NAV2: variants seen among roughly 807,000 people sequenced by gnomAD.
NAV2 encodes neuron navigator 2, also known as helicase, APC down-regulated 1.
NAV2 carries 54 observed loss-of-function variants against 223.2 expected under a neutral mutation model. The observed-to-expected ratio is 0.24, with a 90% CI of 0.19 to 0.30. The LOEUF (loss-of-function observed/expected upper bound fraction) is 0.30, where lower values mean the gene tolerates loss of function less well. Ranked by LOEUF, NAV2 falls within the 10% of genes least tolerant of loss-of-function variation. The probability of loss-of-function intolerance (pLI) is 1.00; values close to 1 mark genes in which losing one functional copy is unlikely to be tolerated. For synonymous variants in NAV2, 1,279 were observed against 1,239.3 expected (o/e 1.03, Z -0.67); for missense variants, 2,806 against 3,147.5 (o/e 0.89, Z 2.60).
At chr11:19,515,287 C>T (rs1242608132) in intron 1 of NAV2, among the ~76,000 whole-genome samples, 4 of 152,160 alleles carry the variant, frequency 2.6e-5, no homozygotes, top group Non-Finnish European at 5.9e-5. Flanking sequence ...ATCTCTGGAC[C>T]TCTCTTTTTC....
At chr11:19,442,990 C>A (rs1028907451) in intron 1 of NAV2, among the ~76,000 whole-genome samples, 4 of 152,134 alleles carry the variant, frequency 2.6e-5, no homozygotes, top group Non-Finnish European at 5.9e-5. Flanking sequence ...CCCTACCTAC[C>A]CATCAAGGTG....
intron 1 of NAV2, among the ~76,000 whole-genome samples, chr11:19,658,614 C>G (rs945724963): frequency 2.6e-5 from 4 of 152,194 alleles, no homozygotes; most frequent in Non-Finnish European, 5.9e-5. Context: ...AATCCTCTTA[C>G]TGAGGGTAAG....
chr11:19,593,397 G>A (rs112053770), intron 1 of NAV2, among the ~76,000 whole-genome samples: 8 of 139,082 alleles, frequency 5.8e-5, no homozygotes, highest in Non-Finnish European at 1.0e-4. Context: ...GATACACACC[G>A]ATATACCACT....
chr11:20,004,078 C>T (rs1369910196), intron 11 of NAV2, among the ~76,000 whole-genome samples: 4 of 152,130 alleles, frequency 2.6e-5, no homozygotes, highest in Non-Finnish European at 5.9e-5. Context: ...AAAATTGGTT[C>T]CCAAACACCA....
intron 1 of NAV2, among the ~76,000 whole-genome samples, chr11:19,353,604 T>C (rs1243103712): frequency 2.0e-5 from 3 of 152,184 alleles, no homozygotes; most frequent in Non-Finnish European, 4.4e-5. Flanking sequence ...TTAAATGGAA[T>C]GTAGCTGGGA....
intron 10 of NAV2, among the ~76,000 whole-genome samples, chr11:19,962,139 C>G (rs1227137251): frequency 6.6e-6 from 1 of 151,368 alleles, no homozygotes; most frequent in African/African-American, 2.4e-5. Context: ...GGCCTGCCTA[C>G]TGGCTGAGAG....
rs558502312 is a variant in NAV2 at position 19,863,372 on chromosome 11, A to G, written c.439-5553A>G. ...CTTTTTTTGGGTTCCAGAATGTGGT[A>G]TATTGCATCCTGTATGGAGTCTTTT... On this transcript the variant is annotated intron_variant, in intron 3 of 37. Coordinates refer to ENST00000349880, the MANE Select transcript of NAV2 (RefSeq NM_145117.5). Among the ~76,000 whole-genome samples, 5 of 152,220 alleles carry G rather than the reference A, an allele frequency of 3.3e-5. No homozygotes were observed. The East Asian group carries it at 9.7e-4, about 29-fold the overall frequency.
chr11:19,649,196 G>C (rs1446356566), intron 1 of NAV2, among the ~76,000 whole-genome samples: 2 of 152,176 alleles, frequency 1.3e-5, no homozygotes, highest in Non-Finnish European at 2.9e-5. Context: ...AAATTCTCTA[G>C]AGTAAGACTG....
intron 1 of NAV2, among the ~76,000 whole-genome samples, chr11:19,534,567 A>G (rs2044128759): frequency 6.6e-6 from 1 of 152,224 alleles, no homozygotes; most frequent in Admixed American, 6.5e-5. Flanking sequence ...ATGAGGAAAG[A>G]TCTTCAGTTT....
chr11:19,719,656 C>A (rs184963956), intron 1 of NAV2, among the ~76,000 whole-genome samples: 8 of 152,216 alleles, frequency 5.3e-5, no homozygotes, highest in Admixed American at 3.9e-4. Context: ...GTTCTTTCCA[C>A]CCTACCTCTC....
intron 1 of NAV2, among the ~76,000 whole-genome samples, chr11:19,629,516 CTCTT>C (rs989014687): frequency 6.7e-6 from 1 of 149,520 alleles, no homozygotes; most frequent in Admixed American, 6.7e-5. Flanking sequence ...CACTCTTTGC[CTCTT>C]TCTTTTTTTC....
intron 6 of NAV2, among the ~76,000 whole-genome samples, chr11:19,915,449 G>A (rs958681785): frequency 6.6e-6 from 1 of 151,798 alleles, no homozygotes; most frequent in Non-Finnish European, 1.5e-5. Context: ...TCATTTTTTT[G>A]CTGTGCCCTC....
At chr11:19,888,825 G>C (rs2041248620) in intron 5 of NAV2, among the ~76,000 whole-genome samples, 1 of 152,010 alleles carries the variant, frequency 6.6e-6, no homozygotes, top group African/African-American at 2.4e-5. Flanking sequence ...TTCCCATTCA[G>C]CGTGCCAGAC....
Position 20,054,208 on chromosome 11 carries a change from C to T in NAV2, c.4610C>T (p.Pro1537Leu), listed in dbSNP as rs773031496. Residue 1537 changes from proline (P) to leucine (L), a missense_variant, in exon 18 of 38, where the codon CCC (proline) becomes CTC (leucine). Around this residue, in one of 4 missense-constraint regions of NAV2, gnomAD observed 742 missense variants for 777.9 expected, o/e 0.95. Transcript: ENST00000349880. ...TCCTCTGGCTCCAGCGTGACTTCTC[C>T]CTCCGGAACAAGATTCAACTTTTCC... is the stretch of plus-strand genomic sequence containing the variant. ...PFSSGSSVTS[P>L]SGTRFNFSQL... is the part of the protein sequence containing the mutation. The T allele has an allele frequency of 1.2e-6, 2 of 1,611,810 alleles. No individual in the cohort carries two copies. The highest frequency in any genetic ancestry group is 2.2e-5 in the South Asian group (2 of 90,526).
intron 3 of NAV2, among the ~76,000 whole-genome samples, chr11:19,858,206 C>T (rs1300938050): frequency 6.6e-6 from 1 of 152,206 alleles, no homozygotes; most frequent in Admixed American, 6.5e-5. Context: ...GCTACCATCT[C>T]TCCATTTCCC....
chr11:19,621,689 A>G (rs925768607), intron 1 of NAV2, among the ~76,000 whole-genome samples: 1 of 151,756 alleles, frequency 6.6e-6, no homozygotes, highest in African/African-American at 2.4e-5. Context: ...AATTTTGTTG[A>G]TCTTTTCAAA....
chr11:19,746,324 G>A (rs1017226131), intron 1 of NAV2, among the ~76,000 whole-genome samples: 1 of 152,144 alleles, frequency 6.6e-6, no homozygotes, highest in Non-Finnish European at 1.5e-5. Flanking sequence ...AATTGCAGCC[G>A]TGGTTCCCAA....
At chr11:19,859,137 CTTTT>C (rs569446282) in intron 3 of NAV2, among the ~76,000 whole-genome samples, 40 of 107,102 alleles carry the variant, frequency 3.7e-4, no homozygotes, top group East Asian at 1.3e-3. Context: ...ATCATATTCT[CTTTT>C]TTTTTTTTTT....
intron 37 of NAV2, 147 bp from the exon 38 acceptor site, chr11:20,117,986 G>C: frequency 1.2e-6 from 1 of 826,808 alleles, no homozygotes; most frequent in Non-Finnish European, 1.9e-6. Context: ...CTAGAAGCCT[G>C]GCCCAAAGTC....
Sources: allele counts gnomAD v4.1 joint callset (sites outside exome capture counted in the v4.1 genomes callset), GRCh38; gene constraint gnomAD v4.1.1; regional missense constraint gnomAD v4.1.1; transcripts MANE v1.5; gene names NCBI Gene and HGNC (gene_info 2026-07-23, HGNC 2026-07-21).